SCML4: variants seen among roughly 807,000 people sequenced by gnomAD.
SCML4 encodes the protein sex comb on midleg-like protein 4.
SCML4 carries 34 observed loss-of-function variants against 41.1 expected under a neutral mutation model. The observed-to-expected ratio is 0.83, with a 90% CI of 0.63 to 1.10. The LOEUF (loss-of-function observed/expected upper bound fraction) is 1.10. SCML4 is among the 50% of genes least tolerant of loss of function. The probability of loss-of-function intolerance (pLI) is 0.00; values close to 1 mark genes in which losing one functional copy is unlikely to be tolerated. For synonymous variants in SCML4, 214 were observed against 220.9 expected (o/e 0.97, Z 0.28); for missense variants, 522 against 534.1 (o/e 0.98, Z 0.22).
intron 2 of SCML4, among the ~76,000 whole-genome samples, chr6:107,758,112 C>G (rs2114531248): frequency 6.6e-6 from 1 of 152,332 alleles, no homozygotes; most frequent in Admixed American, 6.5e-5. Flanking sequence ...TTCTTGAGCA[C>G]CTACTATGTG....
At position 107,772,394 on chromosome 6, in the gene SCML4, T is replaced by C; in HGVS notation, c.-59-8A>G. On this transcript the variant is annotated splice_region_variant and splice_polypyrimidine_tract_variant and intron_variant, in intron 1 of 7. Transcript: ENST00000369020. ...TCACAGGCAGAAGAGGTGCTAAGAA[T>C]TAGTCCAGACACAAAGCAAAACAAA... The C allele has an allele frequency of 7.0e-7, 1 of 1,431,672 alleles. No homozygotes were observed. The highest frequency in any genetic ancestry group is 9.4e-7 in the Non-Finnish European group (1 of 1,064,400). The allele number at this position is 1,431,672 out of a possible 1,614,324, so 88.7% of individuals were successfully genotyped here. A position where few individuals can be genotyped will look rare whatever the true frequency, so the allele number is the denominator to read the frequency against.
chr6:107,797,408 T>G (rs972264760), intron 1 of SCML4, among the ~76,000 whole-genome samples: 1 of 152,056 alleles, frequency 6.6e-6, no homozygotes, highest in Non-Finnish European at 1.5e-5. Flanking sequence ...GAGTAGTACT[T>G]TTACTTCATT....
At chr6:107,842,713 G>A in the SCML4 span, among the ~76,000 whole-genome samples, 2 of 152,126 alleles carry the variant, frequency 1.3e-5, no homozygotes, top group South Asian at 4.2e-4. Context: ...GTGATTTTCT[G>A]TCTACTCTTT....
chr6:107,722,317 G>A lies in SCML4; in HGVS notation c.683-1324C>T, dbSNP rs370473279. Among the ~76,000 whole-genome samples the A allele has an allele frequency of 2.1e-3, 316 of 152,106 alleles. 1 individual carries two copies. Among genetic ancestry groups the A allele is most frequent in the African/African-American group, 6.4e-3 (265 of 41,492 alleles). Reference sequence around the variant, plus strand: ...CTCCCTGTGAGCTACACCTGTGGCCGAATGGTGGGTTTTTTGTTTGTTTTA... The same window carrying A: ...CTCCCTGTGAGCTACACCTGTGGCCAAATGGTGGGTTTTTTGTTTGTTTTA... On this transcript the variant is annotated intron_variant, in intron 5 of 7. Transcript: ENST00000369020.
intron 6 of SCML4, among the ~76,000 whole-genome samples, chr6:107,712,606 C>T (rs1409936163): frequency 1.3e-5 from 2 of 152,086 alleles, no homozygotes; most frequent in African/African-American, 4.8e-5. Flanking sequence ...TCTTAGGGGG[C>T]CTTTTAGTCA....
chr6:107,721,732 G>T (rs1775439322), intron 5 of SCML4, among the ~76,000 whole-genome samples: 1 of 152,054 alleles, frequency 6.6e-6, no homozygotes, highest in African/African-American at 2.4e-5. Flanking sequence ...CTGTGGCCTG[G>T]GTGGTGGCCC....
intron 5 of SCML4, among the ~76,000 whole-genome samples, chr6:107,733,933 A>AC (rs924094283): frequency 1.3e-5 from 2 of 151,722 alleles, no homozygotes; most frequent in African/African-American, 4.9e-5. Flanking sequence ...AGGCTGGGAG[A>AC]CCCCCGGCCA....
intron 1 of SCML4, among the ~76,000 whole-genome samples, chr6:107,800,879 G>A (rs894507535): frequency 3.3e-5 from 5 of 152,208 alleles, no homozygotes; most frequent in African/African-American, 1.2e-4. Flanking sequence ...TCCTGGCAGT[G>A]TTAAACAGAG....
At chr6:107,707,768 C>T (rs1583358754) in intron 7 of SCML4, 98 bp downstream of exon 7, 1 of 1,480,062 alleles carries the variant, frequency 6.8e-7, no homozygotes, top group South Asian at 1.2e-5. Flanking sequence ...ACCCCTCCAC[C>T]ACCTCCCCTG....
At chr6:107,721,125 G>A in intron 5 of SCML4, 132 bp from the exon 6 acceptor site, 53 of 1,136,536 alleles carry the variant, frequency 4.7e-5, no homozygotes, top group Non-Finnish European at 6.4e-5. Context: ...GAGGAGAAAT[G>A]AACCTCACAA....
intron 1 of SCML4, among the ~76,000 whole-genome samples, chr6:107,799,530 T>A (rs1334222128): frequency 6.6e-6 from 1 of 152,226 alleles, no homozygotes; most frequent in Non-Finnish European, 1.5e-5. Context: ...TGCCTTTTAA[T>A]ATGTGTTTGC....
intron 1 of SCML4, among the ~76,000 whole-genome samples, chr6:107,822,428 T>A (rs1583684683): frequency 6.6e-6 from 1 of 152,208 alleles, no homozygotes. Flanking sequence ...AAAGAAATGA[T>A]GAAAAGCAAC....
At chr6:107,787,372 C>T (rs1397008488) in intron 1 of SCML4, among the ~76,000 whole-genome samples, 8 of 152,086 alleles carry the variant, frequency 5.3e-5, no homozygotes, top group Admixed American at 5.2e-4. Flanking sequence ...CTTGTCTCTG[C>T]TAAGGAGGCA....
chr6:107,751,638 C>CTT (rs1261728599), intron 2 of SCML4, among the ~76,000 whole-genome samples: 5 of 128,474 alleles, frequency 3.9e-5, no homozygotes, highest in African/African-American at 1.5e-4. Context: ...TTCTTTCTTT[C>CTT]TTTCTTTCTT....
At chr6:107,717,985 C>T (rs905364597) in intron 6 of SCML4, among the ~76,000 whole-genome samples, 1 of 152,194 alleles carries the variant, frequency 6.6e-6, no homozygotes, top group Non-Finnish European at 1.5e-5. Flanking sequence ...GGCAGAAGGG[C>T]CTGAGCTAGG....
chr6:107,749,065 T>C (rs914961534), intron 3 of SCML4, among the ~76,000 whole-genome samples: 4 of 151,944 alleles, frequency 2.6e-5, no homozygotes, highest in Non-Finnish European at 5.9e-5. Flanking sequence ...ACTGAAGGGA[T>C]TTAAATGGGA....
chr6:107,734,579 C>T (rs1776871129), intron 5 of SCML4, among the ~76,000 whole-genome samples: 1 of 152,094 alleles, frequency 6.6e-6, no homozygotes, highest in Non-Finnish European at 1.5e-5. Flanking sequence ...CTGGAGGCAC[C>T]TTCTTTAAAA....
chr6:107,764,610 C>A (rs774735582), intron 2 of SCML4, among the ~76,000 whole-genome samples: 3 of 151,892 alleles, frequency 2.0e-5, no homozygotes, highest in Admixed American at 2.0e-4. Flanking sequence ...ACCGAAGGAA[C>A]CCAAGAGAGG....
chr6:107,745,601 T>G (rs1777998373), intron 4 of SCML4: 1 of 153,608 alleles, frequency 6.5e-6, no homozygotes, highest in Non-Finnish European at 1.4e-5. Flanking sequence ...CTGAAGGATC[T>G]TGAGTAACAA....
Sources: gnomAD v4.1 joint callset for allele counts (sites outside exome capture counted in the v4.1 genomes callset) on GRCh38, gnomAD v4.1.1 for gene constraint, MANE v1.5 for transcripts, NCBI Gene and HGNC (gene_info 2026-07-23, HGNC 2026-07-21) for gene names.